The following HS3ST4 variants were observed in gnomAD, a reference collection of about 807,000 sequenced individuals.
HS3ST4 encodes the protein heparan sulfate glucosamine 3-O-sulfotransferase 4.
A neutral mutation model predicts 29.2 loss-of-function variants in HS3ST4; 17 were observed. The ratio of observed to expected loss-of-function variants is 0.58; its 90% CI spans 0.40 to 0.87. The LOEUF is 0.87. HS3ST4 is among the 40% of genes least tolerant of loss of function. HS3ST4 has a pLI of 0.00. For synonymous variants in HS3ST4, 314 were observed against 285.7 expected (o/e 1.10, Z -1.00); for missense variants, 627 against 634.5 (o/e 0.99, Z 0.13).
intron 1 of HS3ST4, among the ~76,000 whole-genome samples, chr16:25,964,492 A>G (rs2141703405): frequency 6.6e-6 from 1 of 152,330 alleles, no homozygotes; most frequent in South Asian, 2.1e-4. Flanking sequence ...GTTTCAACCT[A>G]TATAATGCGC....
chr16:25,901,446 G>A (rs887960739), intron 1 of HS3ST4, among the ~76,000 whole-genome samples: 2 of 152,158 alleles, frequency 1.3e-5, no homozygotes, highest in African/African-American at 2.4e-5. Context: ...TGAGGTGGGT[G>A]GATCACTGGA....
chr16:26,002,349 G>A (rs1969218651), intron 1 of HS3ST4, among the ~76,000 whole-genome samples: 2 of 152,100 alleles, frequency 1.3e-5, no homozygotes, highest in Admixed American at 1.3e-4. Context: ...TTTTTTTAAT[G>A]GATTACCCCA....
At chr16:25,790,143 C>T (rs936172529) in intron 1 of HS3ST4, among the ~76,000 whole-genome samples, 12 of 151,352 alleles carry the variant, frequency 7.9e-5, no homozygotes, top group African/African-American at 2.9e-4. Context: ...TGCCATGGTT[C>T]ATGCCTGTAA....
chr16:25,986,666 A>C (rs11645246), intron 1 of HS3ST4, among the ~76,000 whole-genome samples: 19,910 of 152,218 alleles, frequency 0.13, 1,363 homozygotes, highest in South Asian at 0.16. Context: ...TTCAAAAGCA[A>C]ATTAGCCGAG....
intron 1 of HS3ST4, among the ~76,000 whole-genome samples, chr16:26,064,610 C>CT (rs869047078): frequency 0.084 from 7,422 of 88,876 alleles, 415 homozygotes; most frequent in African/African-American, 0.1. Flanking sequence ...GGATTGTAGT[C>CT]TTTTTTTTTT....
intron 1 of HS3ST4, among the ~76,000 whole-genome samples, chr16:25,778,750 A>G (rs1966850003): frequency 1.3e-5 from 2 of 151,850 alleles, no homozygotes; most frequent in South Asian, 4.2e-4. Context: ...GGAGGAGAAG[A>G]AGGAGGAGGA....
At chr16:25,890,138 T>C (rs956091757) in intron 1 of HS3ST4, among the ~76,000 whole-genome samples, 2 of 152,200 alleles carry the variant, frequency 1.3e-5, no homozygotes, top group African/African-American at 2.4e-5. Context: ...ATGAATCCTA[T>C]TATTATATTA....
chr16:26,031,909 A>C (rs934584271), intron 1 of HS3ST4, among the ~76,000 whole-genome samples: 41 of 152,196 alleles, frequency 2.7e-4, no homozygotes, highest in African/African-American at 8.9e-4. Flanking sequence ...CTGAACAGGG[A>C]AAGTTTAGAG....
rs115541946 is a variant in HS3ST4, at chr16:25,935,307, A to G, written c.735-200305A>G. On this transcript the variant is annotated intron_variant, in intron 1 of 1. Transcript: ENST00000331351. ...TACGTTGGTTGCAACTGATGCACCT[A>G]CATTAACTCATCATTATCATCCAGA... 4.8e-3 allele frequency among the ~76,000 whole-genome samples: 734 copies of G among 152,300 alleles called. 8 individuals are homozygous for G. Among genetic ancestry groups the G allele is most frequent in the African/African-American group, 0.017 (692 of 41,554 alleles).
At chr16:26,118,220 C>T (rs1899224903) in intron 1 of HS3ST4, among the ~76,000 whole-genome samples, 1 of 152,176 alleles carries the variant, frequency 6.6e-6, no homozygotes, top group African/African-American at 2.4e-5. Context: ...TGCACACCAT[C>T]ACACTTGGCT....
chr16:26,031,471 A>G (rs1289548050), intron 1 of HS3ST4, among the ~76,000 whole-genome samples: 1 of 152,014 alleles, frequency 6.6e-6, no homozygotes, highest in African/African-American at 2.4e-5. Flanking sequence ...CCAGGGAGGG[A>G]GCTGGGAAAA....
intron 1 of HS3ST4, among the ~76,000 whole-genome samples, chr16:26,092,943 T>G (rs1181271914): frequency 3.3e-5 from 5 of 152,136 alleles, no homozygotes; most frequent in Non-Finnish European, 7.3e-5. Context: ...TTCTCTCCCG[T>G]GCCTGACTCG....
chr16:26,034,074 G>T (rs1473647849), intron 1 of HS3ST4, among the ~76,000 whole-genome samples: 1 of 152,192 alleles, frequency 6.6e-6, no homozygotes, highest in Admixed American at 6.5e-5. Context: ...AATGTGTACT[G>T]CAATAAATGA....
intron 1 of HS3ST4, among the ~76,000 whole-genome samples, chr16:25,699,892 C>T (rs1387291454): frequency 6.6e-6 from 1 of 152,132 alleles, no homozygotes; most frequent in Non-Finnish European, 1.5e-5. Flanking sequence ...TTAAAGTGCC[C>T]TATGTAGAGC....
At chr16:26,020,160 C>G (rs1045700912) in intron 1 of HS3ST4, among the ~76,000 whole-genome samples, 1 of 152,066 alleles carries the variant, frequency 6.6e-6, no homozygotes, top group Non-Finnish European at 1.5e-5. Context: ...TGTCAAAAGC[C>G]CAGAGAACAC....
intron 1 of HS3ST4, among the ~76,000 whole-genome samples, chr16:26,066,194 T>C (rs1898540243): frequency 6.6e-6 from 1 of 152,198 alleles, no homozygotes; most frequent in Non-Finnish European, 1.5e-5. Flanking sequence ...AACACCTGTA[T>C]GTGGGGTAAA....
intron 1 of HS3ST4, among the ~76,000 whole-genome samples, chr16:25,725,562 G>C (rs1012204607): frequency 2.0e-5 from 3 of 151,868 alleles, no homozygotes; most frequent in Admixed American, 6.6e-5. Flanking sequence ...CCAAATTTGA[G>C]ATAATACTAA....
intron 1 of HS3ST4, among the ~76,000 whole-genome samples, chr16:25,697,341 A>G (rs1966304886): frequency 6.6e-6 from 1 of 152,204 alleles, no homozygotes; most frequent in African/African-American, 2.4e-5. Context: ...TGTTTTGTCT[A>G]GTATGGTAGC....
At chr16:25,912,225 C>A (rs1968248497) in intron 1 of HS3ST4, among the ~76,000 whole-genome samples, 1 of 152,096 alleles carries the variant, frequency 6.6e-6, no homozygotes, top group Non-Finnish European at 1.5e-5. Flanking sequence ...TGGAATCTAC[C>A]AATATCCTCA....
Sources: allele counts gnomAD v4.1 joint callset (sites outside exome capture counted in the v4.1 genomes callset), GRCh38; gene constraint gnomAD v4.1.1; transcripts MANE v1.5; gene names NCBI Gene and HGNC (gene_info 2026-07-23, HGNC 2026-07-21).